Variants in EXT2 observed in about 807,000 individuals in gnomAD.
The protein encoded by EXT2 is exostosin glycosyltransferase 2, also known as exostosin-2.
A neutral mutation model predicts 81.6 loss-of-function variants in EXT2; 53 were observed. The observed-to-expected ratio is 0.65, with a 90% CI of 0.52 to 0.82. EXT2 has a LOEUF of 0.82. Ranked by LOEUF, EXT2 falls within the 40% of genes least tolerant of loss-of-function variation. EXT2 has a pLI of 0.00. For synonymous variants in EXT2, 320 were observed against 340.0 expected (o/e 0.94, Z 0.65); for missense variants, 774 against 910.2 (o/e 0.85, Z 1.93).
intron 10 of EXT2, among the ~76,000 whole-genome samples, chr11:44,227,771 T>A (rs536924836): frequency 2.0e-5 from 3 of 152,276 alleles, no homozygotes; most frequent in South Asian, 4.2e-4. Flanking sequence ...GTAAGAGGTG[T>A]TGAGGACCAA....
chr11:44,119,124 T>TCA lies in EXT2; in HGVS notation c.743+4823_743+4824insCA, dbSNP rs1555004227. ...TGTCCCCCAGGGGACATTTGGCTAT[T>TCA]TATATATATATATATATATATATAT... On this transcript the variant is annotated intron_variant, in intron 4 of 13. Transcript: ENST00000533608. Among the ~76,000 whole-genome samples the TCA allele has an allele frequency of 1.0e-3, 26 of 25,650 alleles. 1 individual carries two copies. Among genetic ancestry groups the TCA allele is most frequent in the African/African-American group, 1.9e-3 (25 of 13,162 alleles). The allele number at this position is 25,650 out of a possible 152,430, so 16.8% of individuals were successfully genotyped here.
At chr11:44,222,879 A>G (rs1305438343) in intron 10 of EXT2, among the ~76,000 whole-genome samples, 1 of 152,054 alleles carries the variant, frequency 6.6e-6, no homozygotes, top group East Asian at 1.9e-4. Context: ...TGCAAACCAC[A>G]TATCCAACAA....
chr11:44,113,288 G>A (rs1024018485), intron 3 of EXT2, among the ~76,000 whole-genome samples: 3 of 152,088 alleles, frequency 2.0e-5, no homozygotes, highest in Non-Finnish European at 2.9e-5. Flanking sequence ...AATCAATATT[G>A]CAAAAAATGT....
In EXT2 at chr11:44,244,950, C is replaced by G. The variant is rs752771704; in HGVS notation, c.*663C>G. ...TCCTTTTTCTACTGTGTCTTAAACA[C>G]CAATTCCTGATAGTCCAAGGAACCA... On this transcript the variant is annotated 3_prime_UTR_variant, in exon 14 of 14. Transcript: ENST00000533608. The G allele has an allele frequency of 6.0e-5, 14 of 232,562 alleles. No individual in the cohort carries two copies. The highest frequency in any genetic ancestry group is 1.2e-4 in the Non-Finnish European group (14 of 117,748). 14.4% of individuals were successfully genotyped at this position (232,562 alleles called of 1,614,324 possible).
At chr11:44,096,449 C>A in intron 1 of EXT2, 1 of 946,540 alleles carries the variant, frequency 1.1e-6, no homozygotes, top group Non-Finnish European at 1.6e-6. Context: ...TGGCCGGGGT[C>A]ATGTTGGGCC....
rs551993029 is a variant in EXT2 at position 44,153,018 on chromosome 11, A to G, written c.1174-18593A>G. Among the ~76,000 whole-genome samples, 4 of 152,260 alleles carry G rather than the reference A, an allele frequency of 2.6e-5. No individual in the cohort carries two copies. The South Asian group carries it at 8.3e-4, about 32-fold the overall frequency. ...GCCTATTCTGGATCTTTACCTCTCT[A>G]TACAAATTTAGAATCAGTTTGTTGA... On this transcript the variant is annotated intron_variant, in intron 7 of 13. Transcript: ENST00000533608.
intron 9 of EXT2, among the ~76,000 whole-genome samples, chr11:44,198,942 A>G (rs1197274916): frequency 6.6e-6 from 1 of 152,206 alleles, no homozygotes; most frequent in Non-Finnish European, 1.5e-5. Context: ...TCTGTTAGGC[A>G]AATCAGAATT....
rs1298760573 is a variant in EXT2 at position 44,124,949 on chromosome 11, A to G, written c.904A>G (p.Lys302Glu). Residue 302 changes from lysine (K) to glutamate (E), a missense_variant, in exon 5 of 14, where the codon AAG becomes GAG. Around this residue, in one of 2 missense-constraint regions of EXT2, gnomAD observed 626 missense variants for 670.5 expected, o/e 0.93. Coordinates refer to ENST00000533608, the MANE Select transcript of EXT2 (RefSeq NM_207122.2). ...GVLSVRKRCH[K>E]HQVFDYPQVL... is the part of the protein sequence containing the mutation. ...CCTTTCTGTCCGTAAGCGCTGCCAC[A>G]AGCACCAGGTCTTCGATTACCCACA... 2 of 1,613,584 alleles carry G rather than the reference A, an allele frequency of 1.2e-6. No homozygotes were observed. Among genetic ancestry groups the G allele is most frequent in the Non-Finnish European group, 1.7e-6 (2 of 1,180,024 alleles).
intron 4 of EXT2, among the ~76,000 whole-genome samples, chr11:44,123,451 A>C (rs1954348219): frequency 6.6e-6 from 1 of 151,996 alleles, no homozygotes; most frequent in South Asian, 2.1e-4. Context: ...TGAGTGTTTC[A>C]TTTCTTCCTG....
intron 8 of EXT2, among the ~76,000 whole-genome samples, chr11:44,180,922 C>T (rs1272276308): frequency 1.3e-5 from 2 of 151,866 alleles, no homozygotes; most frequent in East Asian, 1.9e-4. Flanking sequence ...GCCAACATGG[C>T]GAAACCCCAT....
At chr11:44,134,836 C>T (rs1954542613) in intron 7 of EXT2, among the ~76,000 whole-genome samples, 2 of 152,192 alleles carry the variant, frequency 1.3e-5, no homozygotes, top group South Asian at 4.1e-4. Context: ...AGGAGCCTGA[C>T]TTGCCTTTGA....
At chr11:44,107,582 T>TCAAAA (rs201845825) in intron 1 of EXT2, 101 bp from the exon 2 acceptor site, 22 of 1,164,766 alleles carry the variant, frequency 1.9e-5, no homozygotes, top group African/African-American at 1.1e-4. Flanking sequence ...AAACCCTGTC[T>TCAAAA]CAAAACAAAA....
At chr11:44,176,356 A>G (rs141462299) in intron 8 of EXT2, among the ~76,000 whole-genome samples, 6 of 152,350 alleles carry the variant, frequency 3.9e-5, no homozygotes, top group African/African-American at 1.4e-4. Flanking sequence ...TGAAATAGAT[A>G]TGTTTTAATT....
chr11:44,172,583 CTTTTTTTT>C (rs35070892), intron 8 of EXT2, among the ~76,000 whole-genome samples: 2 of 107,402 alleles, frequency 1.9e-5, no homozygotes, highest in African/African-American at 6.4e-5. Flanking sequence ...TCTACCTTTT[CTTTTTTTT>C]TTTTTTTTTG....
intron 7 of EXT2, among the ~76,000 whole-genome samples, chr11:44,155,634 A>G (rs1329458074): frequency 6.6e-6 from 1 of 152,164 alleles, no homozygotes; most frequent in African/African-American, 2.4e-5. Context: ...CTTACACTTC[A>G]ACTTCACTCC....
At chr11:44,213,278 C>G (rs921060341) in intron 10 of EXT2, among the ~76,000 whole-genome samples, 2 of 151,942 alleles carry the variant, frequency 1.3e-5, no homozygotes, top group African/African-American at 4.8e-5. Context: ...GAAAACAGAC[C>G]AACAGAGAAA....
intron 8 of EXT2, among the ~76,000 whole-genome samples, chr11:44,179,793 A>G (rs1190195173): frequency 6.6e-6 from 1 of 152,218 alleles, no homozygotes; most frequent in Non-Finnish European, 1.5e-5. Context: ...ATGGGTCATT[A>G]CAGCTGCAGA....
rs953720960 is a variant in EXT2, at chr11:44,098,348, T to C, written c.-31+2496T>C. ...TGAGTCGGGAGCACTGTCACTTCAG[T>C]CTAGGCTGGCAGTTTTACAAAAGGG... On this transcript the variant is annotated intron_variant, in intron 1 of 13. Transcript: ENST00000533608. Among the ~76,000 whole-genome samples, 18 of 152,194 alleles carry C rather than the reference T, an allele frequency of 1.2e-4. No individual in the cohort carries two copies. In the East Asian group the frequency reaches 3.5e-3, roughly 29 times the overall value.
chr11:44,165,831 G>T (rs1197637997), intron 7 of EXT2, among the ~76,000 whole-genome samples: 1 of 152,152 alleles, frequency 6.6e-6, no homozygotes, highest in Non-Finnish European at 1.5e-5. Flanking sequence ...TTGAAAAAGG[G>T]TGATTTTCTA....
Sources: allele counts gnomAD v4.1 joint callset (sites outside exome capture counted in the v4.1 genomes callset), GRCh38; gene constraint gnomAD v4.1.1; regional missense constraint gnomAD v4.1.1; transcripts MANE v1.5; gene names NCBI Gene and HGNC (gene_info 2026-07-23, HGNC 2026-07-21).